IFNGR1: variants seen among roughly 807,000 people sequenced by gnomAD.
IFNGR1 encodes AVP, type 2.
A neutral mutation model predicts 35.4 loss-of-function variants in IFNGR1; 23 were observed. That is an observed-to-expected ratio of 0.65 (90% confidence interval 0.47 to 0.92). The LOEUF is 0.92. Ranked by LOEUF, IFNGR1 falls within the 40% of genes least tolerant of loss-of-function variation. IFNGR1 has a pLI of 0.00. For synonymous variants in IFNGR1, 199 were observed against 209.5 expected, an observed-to-expected ratio of 0.95 and a Z score of 0.43; for missense variants, 533 against 583.4, an observed-to-expected ratio of 0.91 and a Z score of 0.89.
chr6:137,205,102 G>A (rs1017917999), intron 3 of IFNGR1, among the ~76,000 whole-genome samples: 6 of 152,128 alleles, frequency 3.9e-5, no homozygotes, highest in African/African-American at 9.7e-5. Context: ...TTTCCGGCAC[G>A]TAGTAGGCCC....
chr6:137,206,516 C>A (rs1582637493), intron 2 of IFNGR1: 1 of 539,082 alleles, frequency 1.9e-6, no homozygotes, highest in Non-Finnish European at 3.3e-6. Context: ...AGGCTCAATT[C>A]AAAATGTAAG....
chr6:137,216,972 A>G (rs1779712021), intron 1 of IFNGR1, among the ~76,000 whole-genome samples: 1 of 152,206 alleles, frequency 6.6e-6, no homozygotes, highest in Non-Finnish European at 1.5e-5. Context: ...CTCCTCCCAG[A>G]GCAAGCTACA....
chr6:137,202,584 AG>A (rs1211813017), intron 5 of IFNGR1, among the ~76,000 whole-genome samples: 4 of 146,748 alleles, frequency 2.7e-5, no homozygotes, highest in African/African-American at 1.0e-4. Context: ...AAAAATCCTA[AG>A]GAAAAAAATA....
At chr6:137,216,474 G>A (rs1451349258) in intron 1 of IFNGR1, among the ~76,000 whole-genome samples, 4 of 152,238 alleles carry the variant, frequency 2.6e-5, no homozygotes, top group Non-Finnish European at 5.9e-5. Context: ...GAAAGCCCAT[G>A]AATGTAACAC....
intron 5 of IFNGR1, among the ~76,000 whole-genome samples, chr6:137,201,616 T>C (rs1431873092): frequency 6.6e-6 from 1 of 151,872 alleles, no homozygotes; most frequent in Non-Finnish European, 1.5e-5. Flanking sequence ...GAGGTAGCAG[T>C]GAGCTGAGAT....
In IFNGR1 at chr6:137,206,234, C is replaced by T. The variant is rs777193404; in HGVS notation, c.275G>A (p.Gly92Asp). The change falls in exon 3 of 7, where the codon GGT becomes GAT. Residue 92 changes from glycine to aspartate, a missense_variant. By Grantham distance (94) the Gly-to-Asp change is moderately conservative. Transcript: ENST00000367739. ...HHYCNISDHV[G>D]DPSNSLWVRV... is the part of the protein sequence containing the mutation. Reference sequence around the variant, plus strand: ...GACCCAAAGAGAATTTGATGGATCACCAACATGATCAGAAATATTACAATA... The same window carrying T: ...GACCCAAAGAGAATTTGATGGATCATCAACATGATCAGAAATATTACAATA... The T allele has an allele frequency of 6.2e-7, 1 of 1,610,718 alleles. No homozygotes were observed. The highest frequency in any genetic ancestry group is 8.5e-7 in the Non-Finnish European group (1 of 1,176,954).
At chr6:137,201,427 C>A (rs1420551696) in intron 5 of IFNGR1, among the ~76,000 whole-genome samples, 11 of 152,144 alleles carry the variant, frequency 7.2e-5, no homozygotes, top group Admixed American at 7.2e-4. Flanking sequence ...GTAATCCCAG[C>A]ACTTTGGGAA....
Position 137,211,525 on chromosome 6 carries a change from C to T in IFNGR1, c.86-4448G>A, listed in dbSNP as rs541588714. On this transcript the variant is annotated intron_variant, in intron 1 of 6. Transcript: ENST00000367739. ...GACCTTTTTGTGGCCAGTGACCAGA[C>T]ACCTAGGTTTTCTCCTTCTGCTTCC... Among the ~76,000 whole-genome samples, 5 of 152,324 alleles carry T rather than the reference C, an allele frequency of 3.3e-5. No individual in the cohort carries two copies. The East Asian group carries it at 7.7e-4, about 24-fold the overall frequency.
intron 1 of IFNGR1, among the ~76,000 whole-genome samples, chr6:137,209,440 G>A (rs940257037): frequency 6.6e-6 from 1 of 152,158 alleles, no homozygotes; most frequent in African/African-American, 2.4e-5. Context: ...CACGTGTTAT[G>A]AGAGGGACCT....
Position 137,204,353 on chromosome 6 carries a change from A to G in IFNGR1, c.525T>C (p.Tyr175=), listed in dbSNP as rs749380011. 14 of 1,613,872 alleles carry G rather than the reference A, an allele frequency of 8.7e-6. No homozygotes were observed. Among genetic ancestry groups the G allele is most frequent in the South Asian group, 2.2e-5 (2 of 91,078 alleles). ...TTCYIRVYNV[Y]VRMNGSEIQY... Reference sequence around the variant, plus strand: ...ATACCTCACTTCCGTTCATTCTCACATACACATTGTACACCCTAATGTAAC... The same window carrying G: ...ATACCTCACTTCCGTTCATTCTCACGTACACATTGTACACCCTAATGTAAC... The change falls in exon 4 of 7, where the codon TAT becomes TAC. Residue 175 remains tyrosine (Y), a synonymous_variant. Transcript: ENST00000367739.
Position 137,197,986 on chromosome 6 carries a change from T to C in IFNGR1, c.*45A>G, listed in dbSNP as rs1253333101. 1 of 1,612,736 alleles carries C rather than the reference T, an allele frequency of 6.2e-7. No individual in the cohort carries two copies. Among genetic ancestry groups the C allele is most frequent in the African/African-American group, 1.3e-5 (1 of 75,048 alleles). ...TTTTCATGAAATTAAAGCAGAAAAC[T>C]GTCCAGGAAAATCAGACTTCAAAGT... is the stretch of plus-strand genomic sequence containing the variant. On this transcript the variant is annotated 3_prime_UTR_variant, in exon 7 of 7. Coordinates refer to ENST00000367739, the MANE Select transcript of IFNGR1 (RefSeq NM_000416.3).
chr6:137,202,206 G>A (rs1344879457), intron 5 of IFNGR1, among the ~76,000 whole-genome samples: 2 of 152,208 alleles, frequency 1.3e-5, no homozygotes, highest in African/African-American at 4.8e-5. Flanking sequence ...AAGTCCCACG[G>A]GCTGAGCAAG....
At chr6:137,199,559 A>G (rs1307177864) in intron 6 of IFNGR1, among the ~76,000 whole-genome samples, 1 of 39,428 alleles carries the variant, frequency 2.5e-5, no homozygotes, top group Non-Finnish European at 5.1e-5. Flanking sequence ...AACATATAAA[A>G]TATATATAAT....
intron 1 of IFNGR1, chr6:137,215,219 T>C (rs1259172976): frequency 5.2e-6 from 8 of 1,532,588 alleles, no homozygotes; most frequent in Admixed American, 2.2e-5. Context: ...TTAAGAAAAA[T>C]GCTTCCAACA....
chr6:137,218,749 A>T (rs1201029981), intron 1 of IFNGR1: 2 of 351,110 alleles, frequency 5.7e-6, no homozygotes, highest in African/African-American at 4.3e-5. Flanking sequence ...TTCGGGCAGT[A>T]GAAACCCAGA....
Position 137,201,440 on chromosome 6 carries a change from C to T in IFNGR1, c.734-432G>A, listed in dbSNP as rs187539976. ...CTGTAATCCCAGCACTTTGGGAAGT[C>T]GAGGTGGGCGGATCACGAGGTCAAG... On this transcript the variant is annotated intron_variant, in intron 5 of 6. Coordinates refer to ENST00000367739, the MANE Select transcript of IFNGR1 (RefSeq NM_000416.3). Among the ~76,000 whole-genome samples the T allele has an allele frequency of 6.9e-4, 105 of 152,224 alleles. 1 individual carries two copies. The highest frequency in any genetic ancestry group is 7.7e-4 in the East Asian group (4 of 5,176).
chr6:137,206,346 G>A lies in IFNGR1; in HGVS notation c.201-38C>T, dbSNP rs1240994574. 5 of 1,472,826 alleles carry A rather than the reference G, an allele frequency of 3.4e-6. No individual in the cohort carries two copies. The African/African-American group carries it at 5.6e-5, about 16-fold the overall frequency. 91.2% of individuals were successfully genotyped at this position (1,472,826 alleles called of 1,614,324 possible). On this transcript the variant is annotated intron_variant, in intron 2 of 6. Transcript: ENST00000367739. ...AAAAAATGCGAAGATAACTTTTATT[G>A]TTATTAAATAAACTCAAACCATTTC...
chr6:137,207,158 A>G, intron 1 of IFNGR1, 81 bp from the exon 2 acceptor site: 1 of 1,555,464 alleles, frequency 6.4e-7, no homozygotes, highest in South Asian at 1.2e-5. Context: ...AAGATGCCAC[A>G]TTGCCCAGAT....
chr6:137,206,701 G>A (rs1796456813), intron 2 of IFNGR1: 1 of 485,552 alleles, frequency 2.1e-6, no homozygotes, highest in Admixed American at 3.8e-5. Context: ...ACAGGAAGAT[G>A]ACATAGTAAC....
Sources: gnomAD v4.1 joint callset for allele counts (sites outside exome capture counted in the v4.1 genomes callset) on GRCh38, gnomAD v4.1.1 for gene constraint, MANE v1.5 for transcripts, NCBI Gene and HGNC (gene_info 2026-07-23, HGNC 2026-07-21) for gene names.